RETREG1: variants seen among roughly 807,000 people sequenced by gnomAD.
RETREG1 encodes the protein reticulophagy regulator 1.
In RETREG1, 44 loss-of-function variants were observed where a neutral mutation model predicts 54.8. That is an observed-to-expected ratio of 0.80 (90% CI 0.63 to 1.03). The LOEUF (loss-of-function observed/expected upper bound fraction) is 1.03. Ranked by LOEUF, RETREG1 falls within the 50% of genes least tolerant of loss-of-function variation. The probability of loss-of-function intolerance (pLI) is 0.00; values close to 1 mark genes in which losing one functional copy is unlikely to be tolerated. For missense variants in RETREG1, 554 were observed against 605.1 expected, an observed-to-expected ratio of 0.92 and a Z score of 0.89; for synonymous variants, 217 against 238.5, an observed-to-expected ratio of 0.91 and a Z score of 0.83.
intron 1 of RETREG1, among the ~76,000 whole-genome samples, chr5:16,612,054 G>T (rs1743358175): frequency 7.6e-6 from 1 of 130,770 alleles, no homozygotes; most frequent in Non-Finnish European, 1.6e-5. Flanking sequence ...GAGAGAGAGA[G>T]ACTCCGTCTC....
At chr5:16,525,335 GTA>G (rs1740679872) in intron 3 of RETREG1, among the ~76,000 whole-genome samples, 1 of 140,714 alleles carries the variant, frequency 7.1e-6, no homozygotes, top group Non-Finnish European at 1.6e-5. Flanking sequence ...ATGTGCGCGG[GTA>G]ACACTGTGCT....
chr5:16,517,635 C>T (rs1417321530), intron 3 of RETREG1, among the ~76,000 whole-genome samples: 1 of 152,210 alleles, frequency 6.6e-6, no homozygotes, highest in East Asian at 1.9e-4. Context: ...CTCCATGCTG[C>T]GTTACTGTCT....
At chr5:16,590,647 G>A (rs1742738527) in intron 1 of RETREG1, among the ~76,000 whole-genome samples, 1 of 152,160 alleles carries the variant, frequency 6.6e-6, no homozygotes, top group African/African-American at 2.4e-5. Context: ...GGGCCTCGTT[G>A]TTATTTTGTG....
At chr5:16,551,850 C>T (rs1377336946) in intron 3 of RETREG1, among the ~76,000 whole-genome samples, 1 of 152,162 alleles carries the variant, frequency 6.6e-6, no homozygotes, top group African/African-American at 2.4e-5. Context: ...CAGAGGCTCT[C>T]GGGGAGATGG....
intron 1 of RETREG1, among the ~76,000 whole-genome samples, chr5:16,576,904 C>T (rs1457171909): frequency 6.6e-6 from 1 of 152,168 alleles, no homozygotes; most frequent in Non-Finnish European, 1.5e-5. Context: ...CAGGAGCCAC[C>T]GCGCCTGGCC....
chr5:16,576,804 A>T (rs2126313675), intron 1 of RETREG1, among the ~76,000 whole-genome samples: 1 of 152,010 alleles, frequency 6.6e-6, no homozygotes, highest in South Asian at 2.1e-4. Flanking sequence ...TTTAGTAGAG[A>T]TGGGGTTTCA....
At chr5:16,519,672 C>T (rs145905276) in intron 3 of RETREG1, among the ~76,000 whole-genome samples, 4 of 152,268 alleles carry the variant, frequency 2.6e-5, no homozygotes, top group East Asian at 1.9e-4. Context: ...TCCTGTGGAC[C>T]GCCTCCATTC....
At chr5:16,607,532 T>G (rs934854499) in intron 1 of RETREG1, among the ~76,000 whole-genome samples, 1 of 151,970 alleles carries the variant, frequency 6.6e-6, no homozygotes, top group African/African-American at 2.4e-5. Context: ...GAGAATCGCT[T>G]GAACCCAGGA....
rs766759989 is a variant in RETREG1, at chr5:16,571,985, A to C, written c.427+11T>G. On this transcript the variant is annotated intron_variant, in intron 2 of 8. Coordinates refer to ENST00000306320, the MANE Select transcript of RETREG1 (RefSeq NM_001034850.3). ...TTAAATACCATATAAATAAAATCTG[A>C]GTATTCTTACCTCTTGTTCTAGACA... 6.4e-7 allele frequency: 1 copy of C among 1,572,078 alleles called. No individual in the cohort carries two copies. Among genetic ancestry groups the C allele is most frequent in the South Asian group, 1.1e-5 (1 of 90,140 alleles).
At chr5:16,616,386 C>T in intron 1 of RETREG1, 2 of 512,246 alleles carry the variant, frequency 3.9e-6, no homozygotes, top group Non-Finnish European at 6.8e-6. Context: ...CCTGTAGGTG[C>T]AGGTGCCTGA....
chr5:16,490,275 CAAAAT>C (rs1231826832), intron 3 of RETREG1, among the ~76,000 whole-genome samples: 1 of 152,100 alleles, frequency 6.6e-6, no homozygotes, highest in Non-Finnish European at 1.5e-5. Context: ...ATTTGTAAAA[CAAAAT>C]AAAGTGTCCC....
At chr5:16,502,340 TCTATGTCCC>T (rs567404699) in intron 3 of RETREG1, among the ~76,000 whole-genome samples, 1 of 152,322 alleles carries the variant, frequency 6.6e-6, no homozygotes, top group Admixed American at 6.5e-5. Flanking sequence ...GAAAGTTTGC[TCTATGTCCC>T]CTACCCTCTA....
intron 3 of RETREG1, among the ~76,000 whole-genome samples, chr5:16,501,064 T>C (rs1474541160): frequency 6.6e-6 from 1 of 152,224 alleles, no homozygotes; most frequent in Non-Finnish European, 1.5e-5. Context: ...CAGTGTGACC[T>C]ATTTTGTATT....
intron 1 of RETREG1, among the ~76,000 whole-genome samples, chr5:16,573,747 T>TG (rs1474155865): frequency 9.9e-4 from 140 of 140,966 alleles, no homozygotes; most frequent in East Asian, 1.9e-3. Context: ...TTTTTGTTTT[T>TG]TTTTTTTTTT....
chr5:16,609,577 G>A (rs958023517), intron 1 of RETREG1, among the ~76,000 whole-genome samples: 13 of 152,092 alleles, frequency 8.5e-5, no homozygotes, highest in Non-Finnish European at 1.0e-4. Context: ...AGTATGCAGC[G>A]GCCAGGCCAC....
chr5:16,565,684 T>C (rs568672717), intron 3 of RETREG1, 79 bp downstream of exon 3: 1 of 1,451,644 alleles, frequency 6.9e-7, no homozygotes, highest in African/African-American at 1.4e-5. Context: ...AAATTCTATT[T>C]CAGAGCTACA....
intron 3 of RETREG1, among the ~76,000 whole-genome samples, chr5:16,554,540 G>GA (rs1209321414): frequency 2.6e-5 from 4 of 151,784 alleles, no homozygotes; most frequent in Non-Finnish European, 4.4e-5. Context: ...TTCATTATAG[G>GA]AAAAATAATG....
intron 3 of RETREG1, among the ~76,000 whole-genome samples, chr5:16,562,161 CA>C (rs1437434276): frequency 1.3e-5 from 2 of 152,006 alleles, no homozygotes; most frequent in Non-Finnish European, 2.9e-5. Context: ...AGTAAAAATA[CA>C]AAATTAGCCA....
chr5:16,554,525 G>C (rs1741633633), intron 3 of RETREG1, among the ~76,000 whole-genome samples: 1 of 152,100 alleles, frequency 6.6e-6, no homozygotes, highest in South Asian at 2.1e-4. Context: ...CTTGATAAAA[G>C]AATGTTCATT....
Sources: allele counts gnomAD v4.1 joint callset (sites outside exome capture counted in the v4.1 genomes callset), GRCh38; gene constraint gnomAD v4.1.1; transcripts MANE v1.5; gene names NCBI Gene and HGNC (gene_info 2026-07-23, HGNC 2026-07-21).